PLD5: variants seen among roughly 807,000 people sequenced by gnomAD.
The protein encoded by PLD5 is inactive phospholipase D5.
Under a neutral mutation model 61.1 loss-of-function variants are expected in PLD5, and 36 were observed. The ratio of observed to expected loss-of-function variants is 0.59; its 90% CI spans 0.45 to 0.78. The LOEUF (loss-of-function observed/expected upper bound fraction) is 0.78, where lower values mean the gene tolerates loss of function less well. Ranked by LOEUF, PLD5 falls within the 30% of genes least tolerant of loss-of-function variation. The pLI is 0.00. For synonymous variants in PLD5, 243 were observed against 242.8 expected, an observed-to-expected ratio of 1.00 and a Z score of -0.01; for missense variants, 515 against 644.4, an observed-to-expected ratio of 0.80 and a Z score of 2.17.
At chr1:242,449,326 G>A in intron 1 of PLD5, 1 of 1,536,042 alleles carries the variant, frequency 6.5e-7, no homozygotes, top group Non-Finnish European at 8.7e-7. Flanking sequence ...AACACACTAG[G>A]TCTGTAGAAA....
chr1:242,278,678 T>C (rs1185298248), intron 3 of PLD5, among the ~76,000 whole-genome samples: 2 of 152,216 alleles, frequency 1.3e-5, no homozygotes, highest in African/African-American at 4.8e-5. Flanking sequence ...TAAATGGTTT[T>C]ATGTTTGTCT....
intron 1 of PLD5, among the ~76,000 whole-genome samples, chr1:242,432,686 T>G (rs1027994930): frequency 3.9e-5 from 6 of 151,960 alleles, no homozygotes; most frequent in African/African-American, 1.5e-4. Flanking sequence ...GGCTGTAGAG[T>G]GTTGGAGGTC....
In PLD5 at chr1:242,288,524, G is replaced by C; in HGVS notation, c.333C>G (p.Ala111=). The change falls in exon 3 of 10, where the codon GCC becomes GCG. Residue 111 remains alanine (A), a synonymous_variant. Transcript: ENST00000536534. ...EKNCQNKCRI[A]LVENIPEGLN... Reference sequence around the variant, plus strand: ...GGCCTTCAGGAATATTTTCCACCAGGGCAATTCTTAGAAAAGATTTTGAAA... The same window carrying C: ...GGCCTTCAGGAATATTTTCCACCAGCGCAATTCTTAGAAAAGATTTTGAAA... 1 of 1,583,990 alleles carries C rather than the reference G, an allele frequency of 6.3e-7. No individual in the cohort carries two copies.
intron 2 of PLD5, among the ~76,000 whole-genome samples, chr1:242,344,261 T>C (rs1166444321): frequency 6.6e-6 from 1 of 152,192 alleles, no homozygotes; most frequent in Non-Finnish European, 1.5e-5. Flanking sequence ...ACCTACAGCC[T>C]ACCGAAGCCA....
intron 2 of PLD5, among the ~76,000 whole-genome samples, chr1:242,338,523 G>GT: frequency 6.6e-6 from 1 of 152,070 alleles, no homozygotes; most frequent in East Asian, 1.9e-4. Flanking sequence ...GGCAGGAAAT[G>GT]TCAACATCAT....
At chr1:242,380,749 A>C (rs1312857018) in intron 1 of PLD5, among the ~76,000 whole-genome samples, 1 of 152,190 alleles carries the variant, frequency 6.6e-6, no homozygotes, top group Non-Finnish European at 1.5e-5. Context: ...AAAGGGCATG[A>C]ACAGACACTT....
At chr1:242,242,851 C>T (rs1012583952) in intron 4 of PLD5, among the ~76,000 whole-genome samples, 2 of 152,082 alleles carry the variant, frequency 1.3e-5, no homozygotes, top group African/African-American at 4.8e-5. Context: ...TATTATTATC[C>T]TCTAATTTGG....
intron 1 of PLD5, among the ~76,000 whole-genome samples, chr1:242,369,833 A>C (rs1235684296): frequency 6.6e-6 from 1 of 152,078 alleles, no homozygotes. Context: ...AACCACCACC[A>C]CCCCGGGTGG....
chr1:242,368,537 G>A (rs562869044), intron 1 of PLD5, among the ~76,000 whole-genome samples: 18 of 152,272 alleles, frequency 1.2e-4, no homozygotes, highest in African/African-American at 4.3e-4. Context: ...TAGTAAAGAG[G>A]TGGTGTCTGA....
At chr1:242,457,744 G>A (rs1666987556) in intron 1 of PLD5, among the ~76,000 whole-genome samples, 1 of 152,136 alleles carries the variant, frequency 6.6e-6, no homozygotes. Context: ...TGTCTCCAGC[G>A]ATCCAGGTCC....
chr1:242,336,680 G>A (rs2149207687), intron 2 of PLD5, among the ~76,000 whole-genome samples: 1 of 152,200 alleles, frequency 6.6e-6, no homozygotes, highest in African/African-American at 2.4e-5. Flanking sequence ...GGGACACAGG[G>A]CCTGCATTTC....
intron 1 of PLD5, among the ~76,000 whole-genome samples, chr1:242,449,732 TC>T (rs1253846786): frequency 6.6e-6 from 1 of 152,180 alleles, no homozygotes; most frequent in African/African-American, 2.4e-5. Flanking sequence ...GATAGCAAGA[TC>T]TCAAGCTGAC....
chr1:242,168,075 C>A (rs936035707), intron 5 of PLD5, among the ~76,000 whole-genome samples: 1 of 152,206 alleles, frequency 6.6e-6, no homozygotes, highest in Non-Finnish European at 1.5e-5. Context: ...GAGAATGATG[C>A]ATCTTGATTA....
At chr1:242,472,253 G>A (rs1221955394) in intron 1 of PLD5, among the ~76,000 whole-genome samples, 1 of 152,170 alleles carries the variant, frequency 6.6e-6, no homozygotes, top group Non-Finnish European at 1.5e-5. Flanking sequence ...GAAGATGCAT[G>A]GGCTTGATAA....
intron 6 of PLD5, among the ~76,000 whole-genome samples, chr1:242,119,589 G>A (rs1156392374): frequency 6.6e-6 from 1 of 152,102 alleles, no homozygotes; most frequent in Non-Finnish European, 1.5e-5. Context: ...ACAAATGGCC[G>A]ATAAGCACGT....
chr1:242,307,732 G>A (rs112934274), intron 2 of PLD5, among the ~76,000 whole-genome samples: 4 of 152,180 alleles, frequency 2.6e-5, no homozygotes, highest in South Asian at 2.1e-4. Context: ...AAACATTTGC[G>A]AGTCAGGCTT....
chr1:242,201,779 G>C (rs185606620), intron 5 of PLD5, among the ~76,000 whole-genome samples: 72 of 152,072 alleles, frequency 4.7e-4, no homozygotes, highest in African/African-American at 1.7e-3. Context: ...AAACTTCCAT[G>C]GTTTAAAGTG....
intron 5 of PLD5, among the ~76,000 whole-genome samples, chr1:242,180,316 A>C (rs1456011546): frequency 2.4e-4 from 36 of 152,168 alleles, no homozygotes; most frequent in Admixed American, 2.3e-3. Context: ...TGTAGCTTTT[A>C]TTACATACTG....
intron 6 of PLD5, among the ~76,000 whole-genome samples, chr1:242,119,822 T>C (rs1295955776): frequency 1.3e-5 from 2 of 152,190 alleles, no homozygotes; most frequent in Non-Finnish European, 2.9e-5. Flanking sequence ...AATCCACTCC[T>C]ATGTATAAAC....
Sources: gnomAD v4.1 joint callset for allele counts (sites outside exome capture counted in the v4.1 genomes callset) on GRCh38, gnomAD v4.1.1 for gene constraint, MANE v1.5 for transcripts, NCBI Gene and HGNC (gene_info 2026-07-23, HGNC 2026-07-21) for gene names.